PRKG1: variants seen among roughly 807,000 people sequenced by gnomAD.
The protein encoded by PRKG1 is cGMP-dependent protein kinase 1.
Under a neutral mutation model 88.1 loss-of-function variants are expected in PRKG1, and 35 were observed. The ratio of observed to expected loss-of-function variants is 0.40; its 90% CI spans 0.30 to 0.53. PRKG1 has a LOEUF of 0.53. Among genes scored for constraint, PRKG1 ranks in the 20% least tolerant of loss-of-function variants. The pLI is 0.59. For missense variants in PRKG1, 540 were observed against 839.8 expected, an observed-to-expected ratio of 0.64 and a Z score of 4.41; for synonymous variants, 303 against 292.5, an observed-to-expected ratio of 1.04 and a Z score of -0.37.
chr10:51,820,941 T>C (rs1839728436), intron 4 of PRKG1, among the ~76,000 whole-genome samples: 1 of 152,182 alleles, frequency 6.6e-6, no homozygotes, highest in African/African-American at 2.4e-5. Flanking sequence ...TATACTCATG[T>C]AAAAAATACC....
intron 2 of PRKG1, among the ~76,000 whole-genome samples, chr10:51,454,526 T>A (rs1454080902): frequency 6.6e-6 from 1 of 152,178 alleles, no homozygotes; most frequent in Non-Finnish European, 1.5e-5. Flanking sequence ...GTTCTCACAC[T>A]GATAATAAAG....
chr10:51,972,713 C>A (rs939792975), intron 5 of PRKG1, among the ~76,000 whole-genome samples: 1 of 152,170 alleles, frequency 6.6e-6, no homozygotes, highest in Non-Finnish European at 1.5e-5. Flanking sequence ...TCCCTTACTT[C>A]TAGTTACCCA....
intron 5 of PRKG1, among the ~76,000 whole-genome samples, chr10:52,051,173 CATGG>C (rs1362822707): frequency 1.3e-5 from 2 of 152,148 alleles, no homozygotes; most frequent in African/African-American, 4.8e-5. Context: ...ATAACTATCA[CATGG>C]ATAGGGATAT....
rs987228355 is a variant in PRKG1, at chr10:52,171,959, C to T, written c.1076+9996C>T. 5.1e-3 allele frequency among the ~76,000 whole-genome samples: 760 copies of T among 150,394 alleles called. 9 individuals carry two copies. Among genetic ancestry groups the T allele is most frequent in the African/African-American group, 0.018 (724 of 40,526 alleles). Reference sequence around the variant, plus strand: ...CTGGGACTACAGGCGCCCGCCACCGCGCCCGGCTAATTTTTTGTATTTTTA... The same window carrying T: ...CTGGGACTACAGGCGCCCGCCACCGTGCCCGGCTAATTTTTTGTATTTTTA... On this transcript the variant is annotated intron_variant, in intron 9 of 17. Transcript: ENST00000373980.
chr10:51,925,985 G>A (rs919076266), intron 5 of PRKG1, among the ~76,000 whole-genome samples: 2 of 152,076 alleles, frequency 1.3e-5, no homozygotes, highest in African/African-American at 4.8e-5. Flanking sequence ...TTAGCACAAT[G>A]CATGGCATGT....
At chr10:51,061,547 T>A (rs1251810986) in intron 1 of PRKG1, among the ~76,000 whole-genome samples, 1 of 152,186 alleles carries the variant, frequency 6.6e-6, no homozygotes, top group Non-Finnish European at 1.5e-5. Flanking sequence ...TGATTATTTC[T>A]TCAAATACTG....
chr10:51,287,821 C>A (rs1840481276), intron 2 of PRKG1, among the ~76,000 whole-genome samples: 1 of 152,012 alleles, frequency 6.6e-6, no homozygotes, highest in Non-Finnish European at 1.5e-5. Flanking sequence ...CATTTATTTG[C>A]CTTTTATTTT....
chr10:51,717,022 T>C (rs1327527184), intron 3 of PRKG1, among the ~76,000 whole-genome samples: 1 of 152,142 alleles, frequency 6.6e-6, no homozygotes, highest in African/African-American at 2.4e-5. Flanking sequence ...TTGCAAAGTA[T>C]AAAAGTCTTG....
rs7072804 is a variant in PRKG1 at position 51,090,556 on chromosome 10, G to T, written c.311+15655G>T. Among the ~76,000 whole-genome samples the T allele has an allele frequency of 4.7e-3, 709 of 152,176 alleles. 3 individuals carry two copies. The highest frequency in any genetic ancestry group is 0.016 in the African/African-American group (657 of 41,502). Reference sequence around the variant, plus strand: ...AATGGATTGATGAAGTTTATACTGAGCACTATGTATTTAAACCATGTTAAA... The same window carrying T: ...AATGGATTGATGAAGTTTATACTGATCACTATGTATTTAAACCATGTTAAA... On this transcript the variant is annotated intron_variant, in intron 1 of 17. Coordinates refer to ENST00000373980, the MANE Select transcript of PRKG1 (RefSeq NM_006258.4).
chr10:51,649,876 A>G (rs1039381694), intron 3 of PRKG1, among the ~76,000 whole-genome samples: 15 of 152,208 alleles, frequency 9.9e-5, no homozygotes, highest in African/African-American at 1.7e-4. Context: ...GCAGCCAACT[A>G]GAGGCTGAAA....
intron 3 of PRKG1, among the ~76,000 whole-genome samples, chr10:51,532,422 G>A (rs953913233): frequency 1.2e-4 from 19 of 152,168 alleles, no homozygotes; most frequent in Non-Finnish European, 1.9e-4. Context: ...TCATGAAAGC[G>A]TGATTCCCTT....
intron 1 of PRKG1, among the ~76,000 whole-genome samples, chr10:51,009,569 T>C (rs1842970969): frequency 6.6e-6 from 1 of 152,148 alleles, no homozygotes; most frequent in East Asian, 1.9e-4. Context: ...ATAAGAAAAA[T>C]TTAAGAGACA....
rs553545003 is a variant in PRKG1, at chr10:51,093,799, T to C, written c.311+18898T>C. ...CATATATATGTATTTTATATATATATATACACACACACACACACACACACA... is the reference window on the plus strand; with the variant it reads ...CATATATATGTATTTTATATATATACATACACACACACACACACACACACA... On this transcript the variant is annotated intron_variant, in intron 1 of 17. Transcript: ENST00000373980. 8.1e-3 allele frequency among the ~76,000 whole-genome samples: 1,034 copies of C among 127,750 alleles called. 3 individuals are homozygous for C. Among genetic ancestry groups the C allele is most frequent in the Middle Eastern group, 0.035 (9 of 256 alleles). 83.8% of individuals were successfully genotyped at this position (127,750 alleles called of 152,430 possible).
rs539202821 is a variant in PRKG1 at position 51,600,548 on chromosome 10, AAAG to A, written c.592+132716_592+132718del. On this transcript the variant is annotated intron_variant, in intron 3 of 17. Transcript: ENST00000373980. ...TTCTAGTAGCTAAGTTAAAAAGTAA[AAAG>A]AAGCAGGTAAAATTAATTTTAATAA... Among the ~76,000 whole-genome samples the A allele has an allele frequency of 5.7e-3, 863 of 152,340 alleles. 9 individuals carry two copies. The highest frequency in any genetic ancestry group is 0.02 in the African/African-American group (814 of 41,574).
chr10:51,757,701 GA>G (rs1367843848), intron 3 of PRKG1, among the ~76,000 whole-genome samples: 1 of 151,782 alleles, frequency 6.6e-6, no homozygotes, highest in Non-Finnish European at 1.5e-5. Flanking sequence ...AATTTAATTA[GA>G]AAAAAAGTAA....
In PRKG1 at chr10:51,693,482, A is replaced by G. The variant is rs186712774; in HGVS notation, c.593-111103A>G. On this transcript the variant is annotated intron_variant, in intron 3 of 17. Coordinates refer to ENST00000373980, the MANE Select transcript of PRKG1 (RefSeq NM_006258.4). ...AGTGGCACAATCTCGACTCACTTCAATCTCCACCTCCCAGGTTCAAGTGCT... is the reference window on the plus strand; with the variant it reads ...AGTGGCACAATCTCGACTCACTTCAGTCTCCACCTCCCAGGTTCAAGTGCT... Among the ~76,000 whole-genome samples the G allele has an allele frequency of 1.6e-4, 25 of 151,832 alleles. No individual in the cohort carries two copies. The South Asian group carries it at 3.8e-3, about 23-fold the overall frequency.
At chr10:51,303,585 T>G (rs1840950799) in intron 2 of PRKG1, among the ~76,000 whole-genome samples, 1 of 152,058 alleles carries the variant, frequency 6.6e-6, no homozygotes, top group African/African-American at 2.4e-5. Flanking sequence ...AATTCTCGTC[T>G]TACTGGGCAT....
At chr10:51,683,669 C>A (rs773143206) in intron 3 of PRKG1, among the ~76,000 whole-genome samples, 5 of 152,064 alleles carry the variant, frequency 3.3e-5, no homozygotes, top group Non-Finnish European at 7.4e-5. Flanking sequence ...TAGGGTGGTG[C>A]CACGGCTTGA....
chr10:51,120,999 T>C (rs1845246244), intron 1 of PRKG1, among the ~76,000 whole-genome samples: 1 of 152,166 alleles, frequency 6.6e-6, no homozygotes, highest in Non-Finnish European at 1.5e-5. Flanking sequence ...GTTCCTTGTC[T>C]TTTGCATCTT....
Sources: gnomAD v4.1 joint callset for allele counts (sites outside exome capture counted in the v4.1 genomes callset) on GRCh38, gnomAD v4.1.1 for gene constraint, MANE v1.5 for transcripts, NCBI Gene and HGNC (gene_info 2026-07-23, HGNC 2026-07-21) for gene names.